The following SCML4 variants were observed in gnomAD, a reference collection of about 807,000 sequenced individuals.
SCML4 encodes the protein Scm polycomb group protein like 4, also known as sex comb on midleg-like protein 4.
A neutral mutation model predicts 41.1 loss-of-function variants in SCML4; 34 were observed. The observed-to-expected ratio is 0.83, with a 90% CI of 0.63 to 1.10. The LOEUF (loss-of-function observed/expected upper bound fraction) is 1.10. SCML4 is among the 50% of genes least tolerant of loss of function. The probability of loss-of-function intolerance (pLI) is 0.00; values close to 1 mark genes in which losing one functional copy is unlikely to be tolerated. For synonymous variants in SCML4, 214 were observed against 220.9 expected, an observed-to-expected ratio of 0.97 and a Z score of 0.28; for missense variants, 522 against 534.1, an observed-to-expected ratio of 0.98 and a Z score of 0.22.
intron 2 of SCML4, among the ~76,000 whole-genome samples, chr6:107,769,026 C>G (rs913534651): frequency 5.3e-5 from 8 of 152,122 alleles, no homozygotes; most frequent in African/African-American, 1.9e-4. Context: ...CTTGGGGAGT[C>G]TCTGAACTAA....
chr6:107,726,532 C>CAAAAAAAAAAAAAAAAAAAA (rs59013088), intron 5 of SCML4, among the ~76,000 whole-genome samples: 2 of 72,394 alleles, frequency 2.8e-5, no homozygotes, highest in African/African-American at 6.3e-5. Context: ...GACTCCATCT[C>CAAAAAAAAAAAAAAAAAAAA]AAAAAAAAAA....
chr6:107,761,773 T>C (rs1472404262), intron 2 of SCML4, among the ~76,000 whole-genome samples: 1 of 151,026 alleles, frequency 6.6e-6, no homozygotes, highest in African/African-American at 2.4e-5. Context: ...AGGGAATAAC[T>C]GACAATCTAG....
chr6:107,836,577 C>T, the SCML4 span, among the ~76,000 whole-genome samples: 10 of 152,328 alleles, frequency 6.6e-5, no homozygotes, highest in South Asian at 1.7e-3. Flanking sequence ...TCACAGCATA[C>T]AGAATTGTTC....
chr6:107,840,137 C>T, the SCML4 span, among the ~76,000 whole-genome samples: 2 of 152,060 alleles, frequency 1.3e-5, no homozygotes, highest in Non-Finnish European at 2.9e-5. Context: ...AGGAAAAGTA[C>T]GGTGCCTAAA....
At chr6:107,844,187 G>C in the SCML4 span, among the ~76,000 whole-genome samples, 2 of 152,306 alleles carry the variant, frequency 1.3e-5, no homozygotes, top group South Asian at 2.1e-4. Flanking sequence ...ACATGAATTT[G>C]TGTAAGGAAG....
chr6:107,842,511 C>T, the SCML4 span, among the ~76,000 whole-genome samples: 3 of 152,224 alleles, frequency 2.0e-5, no homozygotes, highest in African/African-American at 4.8e-5. Context: ...CATTCTCCTG[C>T]CTCAGCTTCC....
chr6:107,796,125 T>C (rs763053956), intron 1 of SCML4, among the ~76,000 whole-genome samples: 1 of 152,228 alleles, frequency 6.6e-6, no homozygotes, highest in Non-Finnish European at 1.5e-5. Context: ...TTGAAAAATA[T>C]CTGCCAGAAA....
chr6:107,827,597 C>G (rs1359514891), upstream of SCML4, among the ~76,000 whole-genome samples: 1 of 152,168 alleles, frequency 6.6e-6, no homozygotes, highest in Non-Finnish European at 1.5e-5. Context: ...AGTGACCGCT[C>G]TGAGCTAGCA....
the SCML4 span, among the ~76,000 whole-genome samples, chr6:107,839,658 T>C: frequency 6.6e-6 from 1 of 152,120 alleles, no homozygotes; most frequent in Admixed American, 6.5e-5. Flanking sequence ...GCATCCTCAT[T>C]AAAAAATGTG....
rs1780606435 is a variant in SCML4 at position 107,772,532 on chromosome 6, AG to A, written c.-59-147del. The A allele has an allele frequency of 9.4e-6, 5 of 530,074 alleles. No homozygotes were observed. The East Asian group carries it at 1.5e-4, about 16-fold the overall frequency. 32.8% of individuals were successfully genotyped at this position (530,074 alleles called of 1,614,324 possible). Reference sequence around the variant, plus strand: ...AAATATGAAGGAGCTAGGTACCACTAGATGCATTTACGATGCTGTTGGGCCT... The same window carrying A: ...AAATATGAAGGAGCTAGGTACCACTAATGCATTTACGATGCTGTTGGGCCT... On this transcript the variant is annotated intron_variant, in intron 1 of 7. Transcript: ENST00000369020.
chr6:107,786,104 G>C (rs1781873591), intron 1 of SCML4, among the ~76,000 whole-genome samples: 1 of 152,164 alleles, frequency 6.6e-6, no homozygotes, highest in Non-Finnish European at 1.5e-5. Context: ...TTATTTCCAA[G>C]TCTAAGAAAG....
chr6:107,781,228 A>C (rs2114594540), intron 1 of SCML4, among the ~76,000 whole-genome samples: 1 of 152,248 alleles, frequency 6.6e-6, no homozygotes, highest in African/African-American at 2.4e-5. Flanking sequence ...TTAGAAACAA[A>C]CCCAGTTTCT....
chr6:107,741,978 C>A (rs932697523), intron 5 of SCML4, among the ~76,000 whole-genome samples: 4 of 152,168 alleles, frequency 2.6e-5, no homozygotes, highest in Admixed American at 6.5e-5. Flanking sequence ...AACACGTGAG[C>A]TCTCTGACCA....
At chr6:107,816,619 T>A (rs959986594) in intron 1 of SCML4, among the ~76,000 whole-genome samples, 2 of 152,088 alleles carry the variant, frequency 1.3e-5, no homozygotes, top group Admixed American at 6.6e-5. Flanking sequence ...AAGGATAGAG[T>A]CCTGTGCTGT....
the SCML4 span, among the ~76,000 whole-genome samples, chr6:107,830,221 C>T: frequency 6.8e-6 from 1 of 148,028 alleles, no homozygotes; most frequent in Non-Finnish European, 1.5e-5. Context: ...GTAAAAAACA[C>T]TCTCATCCAA....
intron 1 of SCML4, among the ~76,000 whole-genome samples, chr6:107,784,835 C>T (rs1038109332): frequency 2.6e-5 from 4 of 152,196 alleles, no homozygotes; most frequent in East Asian, 1.9e-4. Flanking sequence ...CATCACGGCC[C>T]GTGGTGTGTG....
chr6:107,813,096 C>T (rs1015953786), intron 1 of SCML4, among the ~76,000 whole-genome samples: 5 of 151,634 alleles, frequency 3.3e-5, no homozygotes, highest in East Asian at 3.9e-4. Context: ...GGCATGGTGG[C>T]TCATGCTTAT....
At chr6:107,835,685 A>T in the SCML4 span, among the ~76,000 whole-genome samples, 1 of 146,182 alleles carries the variant, frequency 6.8e-6, no homozygotes, top group Non-Finnish European at 1.5e-5. Flanking sequence ...TGATCACTTG[A>T]GCCAGGAAGT....
At chr6:107,809,237 G>A (rs986440966) in intron 1 of SCML4, among the ~76,000 whole-genome samples, 4 of 152,222 alleles carry the variant, frequency 2.6e-5, no homozygotes, top group Non-Finnish European at 1.5e-5. Context: ...CAGTCCTGCT[G>A]GCACCTTGGT....
Sources: allele counts gnomAD v4.1 joint callset (sites outside exome capture counted in the v4.1 genomes callset), GRCh38; gene constraint gnomAD v4.1.1; transcripts MANE v1.5; gene names NCBI Gene and HGNC (gene_info 2026-07-23, HGNC 2026-07-21).